PCDHGA6: variants seen among roughly 807,000 people sequenced by gnomAD.
PCDHGA6 encodes the protein protocadherin gamma-A6.
In PCDHGA6, 41 loss-of-function variants were observed where a neutral mutation model predicts 60.6. That is an observed-to-expected ratio of 0.68 (90% CI 0.53 to 0.88). The LOEUF (loss-of-function observed/expected upper bound fraction) is 0.88, where lower values mean the gene tolerates loss of function less well. PCDHGA6 is among the 40% of genes least tolerant of loss of function. The pLI, the probability that PCDHGA6 is intolerant of heterozygous loss-of-function variation, is 0.00. For missense variants in PCDHGA6, 1,312 were observed against 1,203.0 expected (o/e 1.09, Z -1.34); for synonymous variants, 594 against 524.4 (o/e 1.13, Z -1.81).
In PCDHGA6 at chr5:141,388,840, C is replaced by A. The variant is rs764876092; in HGVS notation, c.2424+12333C>A. The stretch of plus-strand genomic sequence containing the variant: ...AAAGAATATTCCATAGTTTTGGAAG[C>A]AAGGGACGGTGGAGGAATGATTGCG... On this transcript the variant is annotated intron_variant, in intron 1 of 3. Coordinates refer to ENST00000517434, the MANE Select transcript of PCDHGA6 (RefSeq NM_018919.3). 4 of 1,613,900 alleles carry A rather than the reference C, an allele frequency of 2.5e-6. No homozygotes were observed. The South Asian group carries it at 4.4e-5, about 18-fold the overall frequency.
Position 141,487,397 on chromosome 5 carries a change from G to A in PCDHGA6, c.2425-7410G>A. 1 of 1,614,062 alleles carries A rather than the reference G, an allele frequency of 6.2e-7. No homozygotes were observed. Among genetic ancestry groups the A allele is most frequent in the Middle Eastern group, 1.6e-4 (1 of 6,062 alleles). Reference sequence around the variant, plus strand: ...TCTCACCAGATCTCGAAGGAGGGAGGGGCTTCCCCCTTCCAATGGGATCCT... The same window carrying A: ...TCTCACCAGATCTCGAAGGAGGGAGAGGCTTCCCCCTTCCAATGGGATCCT... On this transcript the variant is annotated intron_variant, in intron 1 of 3. Coordinates refer to ENST00000517434, the MANE Select transcript of PCDHGA6 (RefSeq NM_018919.3). This position sits in a 1 kb window ranked among gnomAD's most constrained non-coding sequence, Gnocchi z 5.0.
chr5:141,443,699 A>G (rs1433844997), intron 1 of PCDHGA6, among the ~76,000 whole-genome samples: 1 of 152,248 alleles, frequency 6.6e-6, no homozygotes, highest in African/African-American at 2.4e-5. Flanking sequence ...AAAATTATAG[A>G]ATAACATTTG....
intron 1 of PCDHGA6, among the ~76,000 whole-genome samples, chr5:141,447,898 C>T (rs531933709): frequency 3.1e-3 from 465 of 152,088 alleles, no homozygotes; most frequent in Non-Finnish European, 5.5e-3. Context: ...CCAGCCTGGC[C>T]AACATGGTGA....
At chr5:141,441,703 A>C (rs1329703451) in intron 1 of PCDHGA6, 2 of 312,092 alleles carry the variant, frequency 6.4e-6, no homozygotes, top group Non-Finnish European at 1.3e-5. Context: ...CGAGCCTTCA[A>C]GCTCACGCTG....
rs1772099160 is a variant in PCDHGA6 at position 141,375,960 on chromosome 5, TGC to T, written c.1880_1881del (p.Arg627HisfsTer138). The T allele has an allele frequency of 1.2e-6, 2 of 1,613,220 alleles. No individual in the cohort carries two copies. Among genetic ancestry groups the T allele is most frequent in the South Asian group, 2.2e-5 (2 of 91,054 alleles). ...TCAGTGGGCCTGCACACGGGCGAGG[TGC>T]GCACGGCGCGCGCCCTGCTGGACAG... On this transcript the variant is annotated frameshift_variant, in exon 1 of 4. Coordinates refer to ENST00000517434, the MANE Select transcript of PCDHGA6 (RefSeq NM_018919.3). LOFTEE classifies it high-confidence loss of function.
At chr5:141,414,336 C>T (rs567878158) in intron 1 of PCDHGA6, 3 of 1,613,846 alleles carry the variant, frequency 1.9e-6, no homozygotes, top group East Asian at 2.2e-5. Flanking sequence ...GACAGGTAAC[C>T]TGTTCCATTT....
chr5:141,439,697 A>T (rs2098127217), intron 1 of PCDHGA6, among the ~76,000 whole-genome samples: 1 of 152,218 alleles, frequency 6.6e-6, no homozygotes, highest in Non-Finnish European at 1.5e-5. Flanking sequence ...CAACATTCCT[A>T]TTATGGCTCC....
At chr5:141,395,345 A>G in intron 1 of PCDHGA6, 1 of 1,399,052 alleles carries the variant, frequency 7.1e-7, no homozygotes, top group South Asian at 1.5e-5. Flanking sequence ...TTTAAGGTGT[A>G]TCACAGAGTT....
chr5:141,419,276 C>G (rs1361651445), intron 1 of PCDHGA6: 1 of 1,613,920 alleles, frequency 6.2e-7, no homozygotes, highest in African/African-American at 1.3e-5. Flanking sequence ...CTCCATAGCG[C>G]AAGTCAGTGC....
intron 1 of PCDHGA6, chr5:141,418,417 T>C: frequency 6.2e-7 from 1 of 1,614,002 alleles, no homozygotes; most frequent in Non-Finnish European, 8.5e-7. Flanking sequence ...AAGACAATCC[T>C]GATGGTGGCA....
chr5:141,495,449 GCT>G (rs560850951), intron 2 of PCDHGA6, among the ~76,000 whole-genome samples: 3 of 152,194 alleles, frequency 2.0e-5, no homozygotes, highest in Non-Finnish European at 2.9e-5. Flanking sequence ...TACTTGTCCT[GCT>G]CTCTGTCTGT....
At position 141,489,733 on chromosome 5, in the gene PCDHGA6, A is replaced by C; in HGVS notation, c.2425-5074A>C. ...TGCCCAGGATCCGGATGTGGGCACC[A>C]ATACTGTGAGCTTTTACACTCTAAG... On this transcript the variant is annotated intron_variant, in intron 1 of 3. Coordinates refer to ENST00000517434, the MANE Select transcript of PCDHGA6 (RefSeq NM_018919.3). This position sits in a 1 kb window ranked among gnomAD's most constrained non-coding sequence, Gnocchi z 4.5. 1 of 1,614,168 alleles carries C rather than the reference A, an allele frequency of 6.2e-7. No individual in the cohort carries two copies. The highest frequency in any genetic ancestry group is 1.1e-5 in the South Asian group (1 of 91,078).
At chr5:141,408,636 C>A in intron 1 of PCDHGA6, 1 of 1,614,024 alleles carries the variant, frequency 6.2e-7, no homozygotes, top group Non-Finnish European at 8.5e-7. Flanking sequence ...ATTTTCGAAT[C>A]TGCATCCGCT....
At chr5:141,494,190 G>GAGAA (rs2099752701) in intron 1 of PCDHGA6, among the ~76,000 whole-genome samples, 1 of 152,186 alleles carries the variant, frequency 6.6e-6, no homozygotes, top group Non-Finnish European at 1.5e-5. Flanking sequence ...CCCGGGACTT[G>GAGAA]GATGCCCCGC....
At chr5:141,377,416 G>A (rs1455830122) in intron 1 of PCDHGA6, 5 of 151,976 alleles carry the variant, frequency 3.3e-5, no homozygotes, top group Non-Finnish European at 5.9e-5. Context: ...GACCAGCCTG[G>A]GTGACTCTGT....
chr5:141,415,660 T>C, intron 1 of PCDHGA6: 2 of 1,583,052 alleles, frequency 1.3e-6, no homozygotes, highest in Non-Finnish European at 8.6e-7. Context: ...AAAGATTGGT[T>C]TTTACTTTGA....
In PCDHGA6 at chr5:141,376,276, C is replaced by T. The variant is rs3749771; in HGVS notation, c.2193C>T (p.Gly731=). The T allele has an allele frequency of 6.2e-7, 1 of 1,614,240 alleles. No homozygotes were observed. Among genetic ancestry groups the T allele is most frequent in the Non-Finnish European group, 8.5e-7 (1 of 1,180,044 alleles). Residue 731 remains glycine, a synonymous_variant, in exon 1 of 4, where the codon GGC becomes GGT. Coordinates refer to ENST00000517434, the MANE Select transcript of PCDHGA6 (RefSeq NM_018919.3). ...KSRLLQASGG[G]LASMPGSHFV... ...GCCTGCTGCAGGCTTCGGGAGGTGG[C>T]TTAGCGAGCATGCCCGGCTCGCACT...
intron 1 of PCDHGA6, among the ~76,000 whole-genome samples, chr5:141,447,747 C>A (rs1164160677): frequency 2.0e-5 from 3 of 152,106 alleles, no homozygotes; most frequent in Non-Finnish European, 4.4e-5. Flanking sequence ...AAGAGTCTTG[C>A]ATGTGACTGT....
intron 1 of PCDHGA6, among the ~76,000 whole-genome samples, chr5:141,447,413 C>T (rs1279399546): frequency 6.6e-6 from 1 of 152,204 alleles, no homozygotes; most frequent in Non-Finnish European, 1.5e-5. Flanking sequence ...GCTGGGATTA[C>T]AGGCGTGAGC....
Sources: allele counts gnomAD v4.1 joint callset (sites outside exome capture counted in the v4.1 genomes callset), GRCh38; gene constraint gnomAD v4.1.1; non-coding constraint Gnocchi (gnomAD v3.1); transcripts MANE v1.5; gene names NCBI Gene and HGNC (gene_info 2026-07-23, HGNC 2026-07-21).